The following POP4 variants were observed in gnomAD, a reference collection of about 807,000 sequenced individuals.
POP4 encodes POP4 ribonuclease P/MRP subunit, also known as ribonuclease P protein subunit p29.
In POP4, 31 loss-of-function variants were observed where a neutral mutation model predicts 29.9. The ratio of observed to expected loss-of-function variants is 1.04; its 90% CI spans 0.78 to 1.40. POP4 has a LOEUF of 1.40. POP4 is among the 40% of genes most tolerant of loss of function. POP4 has a pLI of 0.00. For missense variants in POP4, 286 were observed against 282.7 expected (o/e 1.01, Z -0.08); for synonymous variants, 110 against 108.2 (o/e 1.02, Z -0.10).
chr19:29,612,044 G>T, intron 4 of POP4, 73 bp from the exon 5 acceptor site: 7 of 1,585,770 alleles, frequency 4.4e-6, no homozygotes, highest in Non-Finnish European at 6.0e-6. Context: ...GGCTGCAGAC[G>T]GTTAAAGACC....
chr19:29,615,301 T>G lies in POP4; in HGVS notation c.584T>G (p.Ile195Ser). The G allele has an allele frequency of 6.2e-7, 1 of 1,611,608 alleles. No homozygotes were observed. Among genetic ancestry groups the G allele is most frequent in the Admixed American group, 1.7e-5 (1 of 59,846 alleles). The stretch of plus-strand genomic sequence containing the variant: ...GAAACCGATGGCTTTATTTCCTACA[T>G]TTACGGGAGCAAATTCCAGCTTCGG... ...TVETDGFISY[I>S]YGSKFQLRSS... The change falls in exon 7 of 7, where the codon ATT becomes AGT. Residue 195 changes from isoleucine to serine, a missense_variant. Transcript: ENST00000585603.
At chr19:29,613,825 C>T in intron 5 of POP4, 46 bp from the exon 6 acceptor site, 15 of 1,575,346 alleles carry the variant, frequency 9.5e-6, no homozygotes, top group Non-Finnish European at 1.3e-5. Context: ...GTGGTTCCCC[C>T]AGCACCACAG....
intron 5 of POP4, 90 bp downstream of exon 5, chr19:29,612,268 C>A: frequency 1.6e-6 from 2 of 1,227,364 alleles, no homozygotes; most frequent in Non-Finnish European, 2.3e-6. Flanking sequence ...CTGTTGGACA[C>A]ACTCTTTACC....
chr19:29,610,346 G>GCTTGGGAT (rs1971048831), intron 2 of POP4, 63 bp from the exon 3 acceptor site: 1 of 1,427,524 alleles, frequency 7.0e-7, no homozygotes, highest in Admixed American at 2.4e-5. Context: ...CGGGCGGGAT[G>GCTTGGGAT]CCTGGGATCC....
At chr19:29,610,733 T>C (rs1172661403) in intron 3 of POP4, 101 bp downstream of exon 3, 22 of 1,173,948 alleles carry the variant, frequency 1.9e-5, no homozygotes, top group Non-Finnish European at 2.4e-5. Flanking sequence ...CCACCTAAGC[T>C]AAGGGGGCCT....
intron 1 of POP4, among the ~76,000 whole-genome samples, chr19:29,607,283 A>AAG (rs1491277700): frequency 0.17 from 10 of 60 alleles, no homozygotes; most frequent in Non-Finnish European, 0.32. Context: ...CAAAAACTGG[A>AAG]AAAAAAAAAA....
chr19:29,608,943 C>G (rs777713115), intron 2 of POP4: 1 of 496,950 alleles, frequency 2.0e-6, no homozygotes, highest in Non-Finnish European at 3.6e-6. Flanking sequence ...TTTCCTTAAC[C>G]TTTTATCATT....
In POP4 at chr19:29,606,751, CAT is replaced by C. The variant is rs1599484006; in HGVS notation, c.7+427_7+428del. On this transcript the variant is annotated intron_variant, in intron 1 of 6. Coordinates refer to ENST00000585603, the MANE Select transcript of POP4 (RefSeq NM_006627.3). ...AGCTTTGGTCCTTAGGGGTAGAAGA[CAT>C]GTGCCAAGGAGGGGCGTGTAGACAC... 2.6e-5 allele frequency among the ~76,000 whole-genome samples: 4 copies of C among 152,136 alleles called. No homozygotes were observed. The South Asian group carries it at 6.2e-4, about 24-fold the overall frequency.
At chr19:29,614,110 A>G (rs1427857583) in intron 6 of POP4, 138 bp downstream of exon 6, 1 of 1,435,466 alleles carries the variant, frequency 7.0e-7, no homozygotes, top group African/African-American at 1.4e-5. Flanking sequence ...AACCTGCATT[A>G]AAGCCTGCAG....
chr19:29,607,491 C>G (rs1288951937), intron 1 of POP4, among the ~76,000 whole-genome samples: 1 of 151,816 alleles, frequency 6.6e-6, no homozygotes, highest in Non-Finnish European at 1.5e-5. Context: ...TTGTAACCAC[C>G]TTGCATCAAA....
At chr19:29,610,892 G>C (rs1971061013) in intron 3 of POP4, 1 of 497,394 alleles carries the variant, frequency 2.0e-6, no homozygotes, top group Non-Finnish European at 3.6e-6. Flanking sequence ...ATGGCAACAG[G>C]CTGTTTGTCC....
chr19:29,608,833 G>A, intron 2 of POP4, 124 bp downstream of exon 2: 1 of 919,240 alleles, frequency 1.1e-6, no homozygotes, highest in East Asian at 2.5e-5. Context: ...TTTTCTGGCA[G>A]ACATCTAAGG....
intron 2 of POP4, among the ~76,000 whole-genome samples, chr19:29,609,562 G>C (rs1254449886): frequency 1.3e-5 from 2 of 152,250 alleles, no homozygotes; most frequent in Non-Finnish European, 2.9e-5. Flanking sequence ...CAGTGGCATT[G>C]CCACCAAATG....
rs78322943 is a variant in POP4, at chr19:29,613,306, C to T, written c.425-565C>T. The T allele has an allele frequency of 0.011, 1,669 of 152,774 alleles. 94 individuals are homozygous for T. The East Asian group carries it at 0.14, about 13-fold the overall frequency. The allele number at this position is 152,774 out of a possible 1,614,324, so 9.5% of individuals were successfully genotyped here. Reference sequence around the variant, plus strand: ...AGTAGGATCCAGGACCGCCTCTTTCCGTGCTGTGTCCCTGGCATCTCCTGA... The same window carrying T: ...AGTAGGATCCAGGACCGCCTCTTTCTGTGCTGTGTCCCTGGCATCTCCTGA... On this transcript the variant is annotated intron_variant, in intron 5 of 6. Transcript: ENST00000585603.
At chr19:29,607,380 C>T (rs1177471779) in intron 1 of POP4, among the ~76,000 whole-genome samples, 1 of 151,660 alleles carries the variant, frequency 6.6e-6, no homozygotes, top group East Asian at 1.9e-4. Flanking sequence ...ACCAGGAGGT[C>T]GAAGTTGCAG....
intron 1 of POP4, among the ~76,000 whole-genome samples, chr19:29,608,020 T>A (rs1201959037): frequency 6.6e-6 from 1 of 152,184 alleles, no homozygotes; most frequent in Non-Finnish European, 1.5e-5. Context: ...GGATCTAGGG[T>A]AGGAGACCAA....
intron 1 of POP4, among the ~76,000 whole-genome samples, chr19:29,606,780 G>A (rs895382208): frequency 1.3e-5 from 2 of 152,110 alleles, no homozygotes; most frequent in African/African-American, 4.8e-5. Context: ...TGTAGACACC[G>A]TTAAGACTGG....
At chr19:29,611,449 C>T (rs1428404239) in intron 3 of POP4, 9 of 202,758 alleles carry the variant, frequency 4.4e-5, no homozygotes, top group Non-Finnish European at 8.0e-5. Context: ...TTCTTCTCCC[C>T]ACCACTTGCT....
intron 5 of POP4, 50 bp from the exon 6 acceptor site, chr19:29,613,821 C>A (rs1385058736): frequency 4.5e-6 from 7 of 1,555,220 alleles, no homozygotes; most frequent in Non-Finnish European, 6.1e-6. Context: ...CTCTGTGGTT[C>A]CCCCAGCACC....
Sources: gnomAD v4.1 joint callset for allele counts (sites outside exome capture counted in the v4.1 genomes callset) on GRCh38, gnomAD v4.1.1 for gene constraint, MANE v1.5 for transcripts, NCBI Gene and HGNC (gene_info 2026-07-23, HGNC 2026-07-21) for gene names.